CHTOP: variants seen among roughly 807,000 people sequenced by gnomAD.
CHTOP encodes the protein chromatin target of PRMT1 protein.
Under a neutral mutation model 33.6 loss-of-function variants are expected in CHTOP, and 18 were observed. That is an observed-to-expected ratio of 0.54 (90% CI 0.37 to 0.80). The LOEUF is 0.80. CHTOP is among the 30% of genes least tolerant of loss of function. The pLI is 0.00. For synonymous variants in CHTOP, 117 were observed against 127.7 expected, an observed-to-expected ratio of 0.92 and a Z score of 0.56; for missense variants, 263 against 336.8, an observed-to-expected ratio of 0.78 and a Z score of 1.71.
chr1:153,644,688 ATCTTACC>A (rs1668743657), intron 5 of CHTOP, among the ~76,000 whole-genome samples: 1 of 152,202 alleles, frequency 6.6e-6, no homozygotes, highest in African/African-American at 2.4e-5. Flanking sequence ...CCACCTCCCT[ATCTTACC>A]AAATGGGGTT....
Position 153,645,180 on chromosome 1 carries a change from T to C in CHTOP, c.658T>C (p.Leu220=), listed in dbSNP as rs781652437. 3.1e-6 allele frequency: 5 copies of C among 1,614,062 alleles called. No homozygotes were observed. Among genetic ancestry groups the C allele is most frequent in the East Asian group, 2.2e-5 (1 of 44,900 alleles). The change falls in exon 6 of 6, where the codon TTG becomes CTG. Residue 220 remains leucine, a synonymous_variant. Coordinates refer to ENST00000368694, the MANE Select transcript of CHTOP (RefSeq NM_015607.4). The part of the protein sequence containing the change: ...VLTKEQLDNQ[L]DAYMSKTKGH... The stretch of plus-strand genomic sequence containing the variant: ...GACCAAGGAGCAGCTGGACAACCAA[T>C]TGGATGCATATATGTCGAAAACAAA...
rs12091549 is a variant in CHTOP, at chr1:153,645,676, C to T, written c.*407C>T. On this transcript the variant is annotated 3_prime_UTR_variant, in exon 6 of 6. Coordinates refer to ENST00000368694, the MANE Select transcript of CHTOP (RefSeq NM_015607.4). ...CCCCACAGAAACATCCCAGAAAAAC[C>T]GGTCAGTGTTCCTTCCTCCCTGATC... The T allele has an allele frequency of 9.9e-3, 1,772 of 179,754 alleles. 35 individuals carry two copies. Among genetic ancestry groups the T allele is most frequent in the African/African-American group, 0.036 (1,519 of 42,074 alleles). 11.1% of individuals were successfully genotyped at this position (179,754 alleles called of 1,614,324 possible).
Position 153,635,861 on chromosome 1 carries a change from G to T in CHTOP, c.-17-711G>T, listed in dbSNP as rs1668367328. Among the ~76,000 whole-genome samples the T allele has an allele frequency of 7.2e-5, 11 of 151,982 alleles. No homozygotes were observed. The South Asian group carries it at 2.1e-3, about 29-fold the overall frequency. The stretch of plus-strand genomic sequence containing the variant: ...GCCAGACTCCATACTTTGATTGCTA[G>T]ATTGGCTTCTGCCGTTTTTGAGAAA... On this transcript the variant is annotated intron_variant, in intron 1 of 5. Transcript: ENST00000368694.
At chr1:153,643,131 T>G in intron 4 of CHTOP, 96 bp from the exon 5 acceptor site, 1 of 1,460,362 alleles carries the variant, frequency 6.8e-7, no homozygotes. Context: ...ACTAACTGAA[T>G]TACCTTCATT....
chr1:153,639,920 C>T (rs915645726), intron 3 of CHTOP, among the ~76,000 whole-genome samples: 42 of 152,034 alleles, frequency 2.8e-4, no homozygotes, highest in African/African-American at 9.2e-4. Flanking sequence ...GCTACAGGCG[C>T]CCGCCACCAC....
At chr1:153,640,745 T>C (rs1342349186) in intron 3 of CHTOP, among the ~76,000 whole-genome samples, 3 of 152,180 alleles carry the variant, frequency 2.0e-5, no homozygotes. Context: ...CACTTCAGCC[T>C]GGGCAACAGA....
At position 153,646,306 on chromosome 1, in the gene CHTOP, A is replaced by G. The variant is rs1668825572; in HGVS notation, c.*1037A>G. On this transcript the variant is annotated 3_prime_UTR_variant, in exon 6 of 6. Coordinates refer to ENST00000368694, the MANE Select transcript of CHTOP (RefSeq NM_015607.4). ...TATAACAAACTGTTCGCTTAAATCC[A>G]CCCAGGACTCTCTTTATTTGAGGTG... is the stretch of plus-strand genomic sequence containing the variant. 6.6e-6 allele frequency: 1 copy of G among 151,480 alleles called. No homozygotes were observed. 9.4% of individuals were successfully genotyped at this position (151,480 alleles called of 1,614,324 possible).
chr1:153,640,938 G>T (rs1668599617), intron 3 of CHTOP, among the ~76,000 whole-genome samples: 1 of 152,206 alleles, frequency 6.6e-6, no homozygotes, highest in Non-Finnish European at 1.5e-5. Flanking sequence ...GAACTTCCCA[G>T]CACTGTACAG....
Position 153,645,047 on chromosome 1 carries a change from T to C in CHTOP, c.542-17T>C. On this transcript the variant is annotated splice_polypyrimidine_tract_variant and intron_variant, in intron 5 of 5. Transcript: ENST00000368694. ...TTGTAACTGTCTCTTTTTTTTTTTT[T>C]TTCCCCTTTGGGCCAGGTCGGGGTA... 1 of 1,591,146 alleles carries C rather than the reference T, an allele frequency of 6.3e-7. No individual in the cohort carries two copies. Among genetic ancestry groups the C allele is most frequent in the Non-Finnish European group, 8.5e-7 (1 of 1,173,672 alleles).
Position 153,636,554 on chromosome 1 carries a change from A to G in CHTOP, c.-17-18A>G, listed in dbSNP as rs1668410455. 1 of 1,596,642 alleles carries G rather than the reference A, an allele frequency of 6.3e-7. No homozygotes were observed. ...GTCACTATTGTGATTTGCTCATTTT[A>G]CGTATTGTTCTTTGTAGATTCTCGG... On this transcript the variant is annotated intron_variant, in intron 1 of 5. Coordinates refer to ENST00000368694, the MANE Select transcript of CHTOP (RefSeq NM_015607.4).
chr1:153,640,035 A>G (rs991140084), intron 3 of CHTOP, among the ~76,000 whole-genome samples: 44 of 152,130 alleles, frequency 2.9e-4, no homozygotes, highest in African/African-American at 1.1e-3. Context: ...CAGTATCCCA[A>G]AGTGTTCAGA....
At chr1:153,644,892 C>G (rs1004320549) in intron 5 of CHTOP, among the ~76,000 whole-genome samples, 172 bp from the exon 6 acceptor site, 1 of 152,196 alleles carries the variant, frequency 6.6e-6, no homozygotes, top group African/African-American at 2.4e-5. Context: ...TGTGTGCTTT[C>G]CATGTGTTGC....
intron 5 of CHTOP, among the ~76,000 whole-genome samples, chr1:153,644,805 AATT>A (rs559284498): frequency 2.3e-4 from 35 of 152,212 alleles, no homozygotes; most frequent in Non-Finnish European, 3.5e-4. Flanking sequence ...GTTGCCAGTT[AATT>A]ATTTTCCTTT....
At chr1:153,644,286 T>C (rs1186166496) in intron 5 of CHTOP, 1 of 152,216 alleles carries the variant, frequency 6.6e-6, no homozygotes, top group Non-Finnish European at 1.5e-5. Flanking sequence ...CTAGTTTGGG[T>C]TTCAGGATGA....
At chr1:153,636,441 G>C in intron 1 of CHTOP, 131 bp from the exon 2 acceptor site, 1 of 521,094 alleles carries the variant, frequency 1.9e-6, no homozygotes. Context: ...TTAAGCACTT[G>C]AAATGTGCCC....
At chr1:153,642,558 C>T (rs1026179402) in intron 4 of CHTOP, 129 bp downstream of exon 4, 3 of 699,154 alleles carry the variant, frequency 4.3e-6, no homozygotes, top group Non-Finnish European at 6.8e-6. Flanking sequence ...TCTGAAATCA[C>T]ATATTTTTAA....
In CHTOP at chr1:153,634,349, T is replaced by C. The variant is rs966323412; in HGVS notation, c.-18+6T>C. The C allele has an allele frequency of 1.3e-5, 2 of 152,696 alleles. No individual in the cohort carries two copies. The highest frequency in any genetic ancestry group is 2.9e-5 in the Non-Finnish European group (2 of 68,178). 9.5% of individuals were successfully genotyped at this position (152,696 alleles called of 1,614,324 possible). A position where few individuals can be genotyped will look rare whatever the true frequency, so the allele number is the denominator to read the frequency against. ...ACTGGCGTCTGTTTCCTTCGGTGAG[T>C]TTCGGTAGTGAGAAGGAGCCGGGGG... On this transcript the variant is annotated splice_donor_region_variant and intron_variant, in intron 1 of 5. Transcript: ENST00000368694.
At chr1:153,634,873 G>A (rs991372074) in intron 1 of CHTOP, among the ~76,000 whole-genome samples, 21 of 143,754 alleles carry the variant, frequency 1.5e-4, no homozygotes, top group Admixed American at 2.1e-4. Flanking sequence ...TTTGGGGGGG[G>A]ACGGAGTTTC....
chr1:153,641,319 G>A (rs1408514940), intron 3 of CHTOP, among the ~76,000 whole-genome samples: 1 of 152,246 alleles, frequency 6.6e-6, no homozygotes, highest in Non-Finnish European at 1.5e-5. Flanking sequence ...TAGGAGCTTG[G>A]TTGTGTTCAG....
Sources: gnomAD v4.1 joint callset for allele counts (sites outside exome capture counted in the v4.1 genomes callset) on GRCh38, gnomAD v4.1.1 for gene constraint, MANE v1.5 for transcripts, NCBI Gene and HGNC (gene_info 2026-07-23, HGNC 2026-07-21) for gene names.